Variants in BICC1 observed in about 807,000 individuals in gnomAD.
The protein encoded by BICC1 is BicC family RNA binding protein 1.
In BICC1, 43 loss-of-function variants were observed where a neutral mutation model predicts 111.0. The observed-to-expected ratio is 0.39, with a 90% CI of 0.30 to 0.50. BICC1 has a LOEUF of 0.50. Ranked by LOEUF, BICC1 falls within the 20% of genes least tolerant of loss-of-function variation. BICC1 has a pLI of 0.88. For missense variants in BICC1, 1,091 were observed against 1,203.2 expected (o/e 0.91, Z 1.38); for synonymous variants, 467 against 434.4 (o/e 1.07, Z -0.93).
chr10:58,715,728 G>T, intron 3 of BICC1: 2 of 1,566,574 alleles, frequency 1.3e-6, no homozygotes, highest in South Asian at 1.1e-5. Flanking sequence ...CAAGGCTTTG[G>T]CTGAATTTGA....
chr10:58,559,820 G>C (rs1843555220), intron 1 of BICC1, among the ~76,000 whole-genome samples: 1 of 151,996 alleles, frequency 6.6e-6, no homozygotes, highest in African/African-American at 2.4e-5. Flanking sequence ...TTTATCAAAT[G>C]CTTTTTCTGT....
chr10:58,580,930 T>A (rs1368204889), intron 1 of BICC1, among the ~76,000 whole-genome samples: 2 of 152,084 alleles, frequency 1.3e-5, no homozygotes, highest in African/African-American at 4.8e-5. Context: ...ACAGAAAAAA[T>A]TATGTGACAA....
intron 3 of BICC1, among the ~76,000 whole-genome samples, chr10:58,732,379 GTATATATA>G (rs1163026692): frequency 1.7e-4 from 13 of 75,786 alleles, no homozygotes; most frequent in African/African-American, 8.6e-4. Flanking sequence ...GTGTGTGTAT[GTATATATA>G]TATATATATA....
At chr10:58,535,049 A>C (rs987447277) in intron 1 of BICC1, among the ~76,000 whole-genome samples, 3 of 151,724 alleles carry the variant, frequency 2.0e-5, no homozygotes, top group African/African-American at 7.2e-5. Flanking sequence ...AAAATAAAGA[A>C]AAAAGATTTA....
chr10:58,720,140 T>C (rs1840893979), intron 3 of BICC1, among the ~76,000 whole-genome samples: 1 of 152,198 alleles, frequency 6.6e-6, no homozygotes, highest in African/African-American at 2.4e-5. Context: ...CAGCTCCCAG[T>C]CCAAACCTGG....
rs80105507 is a variant in BICC1, at chr10:58,629,468, G to T, written c.237+8567G>T. On this transcript the variant is annotated intron_variant, in intron 2 of 20. Coordinates refer to ENST00000373886, the MANE Select transcript of BICC1 (RefSeq NM_001080512.3). ...CACATTAATGGGCTATGCATCTATA[G>T]TGAGAGAGGTTCTGCCTAAAACTGT... Among the ~76,000 whole-genome samples the T allele has an allele frequency of 2.6e-5, 4 of 152,262 alleles. No individual in the cohort carries two copies. The South Asian group carries it at 8.3e-4, about 32-fold the overall frequency.
At chr10:58,731,548 T>G (rs187189612) in intron 3 of BICC1, among the ~76,000 whole-genome samples, 7 of 152,222 alleles carry the variant, frequency 4.6e-5, no homozygotes, top group Non-Finnish European at 1.0e-4. Flanking sequence ...TACATGAAAC[T>G]GAGTAATTAT....
At chr10:58,664,266 A>G (rs1838938914) in intron 2 of BICC1, among the ~76,000 whole-genome samples, 1 of 152,146 alleles carries the variant, frequency 6.6e-6, no homozygotes, top group African/African-American at 2.4e-5. Flanking sequence ...TCTGGTGGAT[A>G]CTTAGTAGTT....
chr10:58,761,571 A>G (rs558339878), intron 3 of BICC1, among the ~76,000 whole-genome samples: 15 of 152,298 alleles, frequency 9.8e-5, no homozygotes, highest in African/African-American at 3.6e-4. Flanking sequence ...AGACGTAGTT[A>G]TGTGTGTTAA....
chr10:58,773,965 CT>C (rs1842684157), intron 3 of BICC1, among the ~76,000 whole-genome samples: 3 of 152,206 alleles, frequency 2.0e-5, no homozygotes, highest in South Asian at 2.1e-4. Context: ...CCAGATTGTC[CT>C]TTTTTTCCAT....
At chr10:58,741,068 C>T (rs567212902) in intron 3 of BICC1, among the ~76,000 whole-genome samples, 57 of 152,202 alleles carry the variant, frequency 3.7e-4, no homozygotes, top group South Asian at 1.9e-3. Context: ...CAAATTGAGA[C>T]GGGCCTGTGT....
At chr10:58,739,036 A>T (rs1841567945) in intron 3 of BICC1, among the ~76,000 whole-genome samples, 1 of 152,016 alleles carries the variant, frequency 6.6e-6, no homozygotes, top group Non-Finnish European at 1.5e-5. Context: ...GCAAACAGGG[A>T]CAATTTGACT....
intron 2 of BICC1, among the ~76,000 whole-genome samples, chr10:58,695,393 A>G (rs140823077): frequency 3.2e-4 from 49 of 152,236 alleles, no homozygotes; most frequent in African/African-American, 8.9e-4. Flanking sequence ...GACAGACCTT[A>G]TTTCTCTATT....
intron 1 of BICC1, among the ~76,000 whole-genome samples, chr10:58,608,736 G>T (rs1845316406): frequency 6.6e-6 from 1 of 152,138 alleles, no homozygotes; most frequent in Admixed American, 6.5e-5. Flanking sequence ...TGAAGAATTT[G>T]CCCAGAGTTA....
intron 1 of BICC1, among the ~76,000 whole-genome samples, chr10:58,538,895 C>T (rs1011107677): frequency 4.6e-5 from 7 of 151,648 alleles, no homozygotes; most frequent in Admixed American, 1.3e-4. Context: ...TGTACCCCAG[C>T]CAGAATGACC....
chr10:58,730,725 G>T (rs771419104), intron 3 of BICC1, among the ~76,000 whole-genome samples: 24 of 152,140 alleles, frequency 1.6e-4, no homozygotes, highest in Non-Finnish European at 3.2e-4. Flanking sequence ...AACCACCAAT[G>T]CTTCTAGCCT....
At chr10:58,558,115 G>A (rs1272106138) in intron 1 of BICC1, among the ~76,000 whole-genome samples, 2 of 152,038 alleles carry the variant, frequency 1.3e-5, no homozygotes, top group Non-Finnish European at 2.9e-5. Flanking sequence ...TTAATTATAA[G>A]GCTTTCTACT....
chr10:58,671,632 C>T (rs1839188880), intron 2 of BICC1, among the ~76,000 whole-genome samples: 1 of 152,118 alleles, frequency 6.6e-6, no homozygotes, highest in Non-Finnish European at 1.5e-5. Context: ...GGCTGCTTAA[C>T]TACTTCCATG....
At chr10:58,586,693 C>G (rs1844441990) in intron 1 of BICC1, among the ~76,000 whole-genome samples, 1 of 151,704 alleles carries the variant, frequency 6.6e-6, no homozygotes, top group Admixed American at 6.6e-5. Context: ...CACACTATAT[C>G]CACAGACATG....
Sources: allele counts gnomAD v4.1 joint callset (sites outside exome capture counted in the v4.1 genomes callset), GRCh38; gene constraint gnomAD v4.1.1; transcripts MANE v1.5; gene names NCBI Gene and HGNC (gene_info 2026-07-23, HGNC 2026-07-21).